The following LRFN2 variants were observed in gnomAD, a reference collection of about 807,000 sequenced individuals.
LRFN2 encodes the protein leucine-rich repeat and fibronectin type-III domain-containing protein 2.
Under a neutral mutation model 37.3 loss-of-function variants are expected in LRFN2, and 18 were observed. That is an observed-to-expected ratio of 0.48 (90% CI 0.33 to 0.72). LRFN2 has a LOEUF of 0.72. Among genes scored for constraint, LRFN2 ranks in the 30% least tolerant of loss-of-function variants. The probability of loss-of-function intolerance (pLI) is 0.02; values close to 1 mark genes in which losing one functional copy is unlikely to be tolerated. For missense variants in LRFN2, 1,006 were observed against 1,060.7 expected (o/e 0.95, Z 0.72); for synonymous variants, 556 against 466.6 (o/e 1.19, Z -2.47).
rs1371376041 is a variant in LRFN2 at position 40,432,292 on chromosome 6, G to A, written c.822C>T (p.Arg274=). ...TCGSPGGLKG[R]YFWHVREEEF... ...CCTCCTCACGCACATGCCAGAAGTA[G>A]CGACCCTTGAGGCCCCCTGGGGAGC... The change falls in exon 2 of 3, where the codon CGC becomes CGT. Residue 274 remains arginine, a synonymous_variant. Coordinates refer to ENST00000338305, the MANE Select transcript of LRFN2 (RefSeq NM_020737.3). 1 of 1,614,120 alleles carries A rather than the reference G, an allele frequency of 6.2e-7. No homozygotes were observed.
Position 40,541,933 on chromosome 6 carries a change from T to C in LRFN2, c.-19+45008A>G, listed in dbSNP as rs71573314. The stretch of plus-strand genomic sequence containing the variant: ...TCCATCAGACACCATAGCAGCAGCA[T>C]GCAGAGTGTCAGGCAGGCACCCAGA... On this transcript the variant is annotated intron_variant, in intron 1 of 2. Transcript: ENST00000338305. Among the ~76,000 whole-genome samples, 803 of 152,304 alleles carry C rather than the reference T, an allele frequency of 5.3e-3. 8 individuals are homozygous for C. The highest frequency in any genetic ancestry group is 7.6e-3 in the Non-Finnish European group (520 of 68,022).
chr6:40,491,033 A>G (rs1443556428), intron 1 of LRFN2, among the ~76,000 whole-genome samples: 1 of 152,144 alleles, frequency 6.6e-6, no homozygotes, highest in Admixed American at 6.5e-5. Flanking sequence ...GGGGAGGAGG[A>G]AGACAAAGAG....
chr6:40,537,222 C>T (rs905722387), intron 1 of LRFN2, among the ~76,000 whole-genome samples: 1 of 152,200 alleles, frequency 6.6e-6, no homozygotes, highest in Non-Finnish European at 1.5e-5. Context: ...AGGCTCATCA[C>T]CCTAGATGTG....
chr6:40,428,492 T>C (rs765355048), intron 2 of LRFN2, among the ~76,000 whole-genome samples: 14 of 152,132 alleles, frequency 9.2e-5, no homozygotes, highest in Non-Finnish European at 1.9e-4. Flanking sequence ...ATGAGGACAA[T>C]TCATTTTCTA....
intron 1 of LRFN2, among the ~76,000 whole-genome samples, chr6:40,580,927 ATG>A (rs1767385825): frequency 6.6e-6 from 1 of 152,146 alleles, no homozygotes; most frequent in Admixed American, 6.5e-5. Context: ...GCATAAATGT[ATG>A]TGTGTATAAG....
intron 1 of LRFN2, among the ~76,000 whole-genome samples, chr6:40,451,914 T>A (rs1013355395): frequency 1.3e-5 from 2 of 152,116 alleles, no homozygotes; most frequent in African/African-American, 4.8e-5. Context: ...CAGATTAGGA[T>A]TAAGAAAGAA....
chr6:40,534,480 C>T (rs1447882259), intron 1 of LRFN2, among the ~76,000 whole-genome samples: 3 of 152,178 alleles, frequency 2.0e-5, no homozygotes, highest in South Asian at 2.1e-4. Flanking sequence ...CAGTACCTGG[C>T]TCTGCAACGG....
rs535329466 is a variant in LRFN2, at chr6:40,411,129, CCAG to C, written c.1401-18220_1401-18218del. ...CATCTGTAATTTTCTGGGAGTCTCT[CCAG>C]CACTGTTTATTGAGGTGCATGGGTC... On this transcript the variant is annotated intron_variant, in intron 2 of 2. Coordinates refer to ENST00000338305, the MANE Select transcript of LRFN2 (RefSeq NM_020737.3). 3.0e-3 allele frequency among the ~76,000 whole-genome samples: 455 copies of C among 152,326 alleles called. 1 individual carries two copies. The highest frequency in any genetic ancestry group is 5.1e-3 in the Non-Finnish European group (344 of 68,036).
At chr6:40,470,747 G>A (rs538198731) in intron 1 of LRFN2, among the ~76,000 whole-genome samples, 1 of 152,206 alleles carries the variant, frequency 6.6e-6, no homozygotes, top group Admixed American at 6.5e-5. Flanking sequence ...GCTTCCCCTT[G>A]CCTCAGCTCC....
intron 2 of LRFN2, among the ~76,000 whole-genome samples, chr6:40,419,728 C>G (rs551947663): frequency 2.0e-5 from 3 of 152,122 alleles, no homozygotes; most frequent in Non-Finnish European, 2.9e-5. Context: ...CCCCCTCACC[C>G]TGACCCCGCA....
intron 1 of LRFN2, among the ~76,000 whole-genome samples, chr6:40,468,965 G>T (rs1186754294): frequency 2.0e-5 from 3 of 152,090 alleles, no homozygotes; most frequent in Non-Finnish European, 2.9e-5. Context: ...CCCCCCAAAA[G>T]GTATATCCAC....
At chr6:40,476,651 A>T (rs1764714476) in intron 1 of LRFN2, among the ~76,000 whole-genome samples, 1 of 152,260 alleles carries the variant, frequency 6.6e-6, no homozygotes, top group African/African-American at 2.4e-5. Flanking sequence ...ATAACTTTCC[A>T]GACAGAGTTA....
At chr6:40,467,618 C>A (rs963908934) in intron 1 of LRFN2, among the ~76,000 whole-genome samples, 1 of 152,116 alleles carries the variant, frequency 6.6e-6, no homozygotes, top group African/African-American at 2.4e-5. Flanking sequence ...CAAGGAAGTT[C>A]CAGAGAGCCT....
rs765518454 is a variant in LRFN2, at chr6:40,392,600, G to A, written c.1713C>T (p.Ala571=). 17 of 1,609,236 alleles carry A rather than the reference G, an allele frequency of 1.1e-5. No individual in the cohort carries two copies. Among genetic ancestry groups the A allele is most frequent in the East Asian group, 6.7e-5 (3 of 44,880 alleles). Reference sequence around the variant, plus strand: ...TGGTCTGCGAGTACACATTGCTCACGGCCGCTGCCATCTTGCTGGGGGCCT... The same window carrying A: ...TGGTCTGCGAGTACACATTGCTCACAGCCGCTGCCATCTTGCTGGGGGCCT... The part of the protein sequence containing the change: ...NHEAPSKMAA[A]VSNVYSQTNG... The change falls in exon 3 of 3, where the codon GCC becomes GCT. Residue 571 remains alanine (A), a synonymous_variant. Transcript: ENST00000338305. This position sits in a 1 kb window ranked among gnomAD's most constrained non-coding sequence, Gnocchi z 4.7.
In LRFN2 at chr6:40,392,720, G is replaced by A. The variant is rs878928070; in HGVS notation, c.1593C>T (p.Gly531=). The A allele has an allele frequency of 1.1e-5, 17 of 1,613,908 alleles. No homozygotes were observed. Among genetic ancestry groups the A allele is most frequent in the East Asian group, 4.5e-5 (2 of 44,886 alleles). The change falls in exon 3 of 3, where the codon GGC becomes GGT. Residue 531 remains glycine (G), a synonymous_variant. Transcript: ENST00000338305. The surrounding 1 kb of genome is among the most constrained non-coding windows in gnomAD (Gnocchi z 4.7). ...CCCCGATGACCAGGATCATGGTGCC[G>A]CCCAGAATCTGGCTGTGCATGGACT... ...QCQSMHSQIL[G]GTMILVIGGI... is the part of the protein sequence containing the mutation.
intron 1 of LRFN2, among the ~76,000 whole-genome samples, chr6:40,568,106 T>G (rs1165583060): frequency 6.6e-6 from 1 of 152,200 alleles, no homozygotes; most frequent in East Asian, 1.9e-4. Context: ...GGGTTTTACC[T>G]GTGTGAATTG....
In LRFN2 at chr6:40,392,498, GCGCA is replaced by G; in HGVS notation, c.1811_1814del (p.Val604AlafsTer52). On this transcript the variant is annotated frameshift_variant, in exon 3 of 3. Transcript: ENST00000338305. LOFTEE classifies it high-confidence loss of function. This position sits in a 1 kb window ranked among gnomAD's most constrained non-coding sequence, Gnocchi z 4.7. ...TGGCGGTGAAGTCCAGGAGCTCGTT[GCGCA>G]CCACCACCTTCGGCGGGCCCTGCGG... The G allele has an allele frequency of 6.3e-7, 1 of 1,582,992 alleles. No individual in the cohort carries two copies. Among genetic ancestry groups the G allele is most frequent in the Non-Finnish European group, 8.6e-7 (1 of 1,165,858 alleles).
intron 1 of LRFN2, among the ~76,000 whole-genome samples, chr6:40,435,312 G>A (rs924036615): frequency 6.6e-6 from 1 of 150,754 alleles, no homozygotes; most frequent in African/African-American, 2.4e-5. Context: ...TTGCCATCAT[G>A]CCTGGCTAAT....
intron 1 of LRFN2, among the ~76,000 whole-genome samples, chr6:40,575,524 T>C (rs1424429996): frequency 6.6e-6 from 1 of 152,196 alleles, no homozygotes; most frequent in Non-Finnish European, 1.5e-5. Flanking sequence ...ATGGTGGATA[T>C]TGGGGCCCTA....
Sources: allele counts gnomAD v4.1 joint callset (sites outside exome capture counted in the v4.1 genomes callset), GRCh38; gene constraint gnomAD v4.1.1; non-coding constraint Gnocchi (gnomAD v3.1); transcripts MANE v1.5; gene names NCBI Gene and HGNC (gene_info 2026-07-23, HGNC 2026-07-21).